The following CPVL variants were observed in gnomAD, a reference collection of about 807,000 sequenced individuals.
CPVL encodes the protein probable serine carboxypeptidase CPVL.
Under a neutral mutation model 63.7 loss-of-function variants are expected in CPVL, and 51 were observed. The ratio of observed to expected loss-of-function variants is 0.80; its 90% confidence interval spans 0.64 to 1.01. CPVL has a LOEUF of 1.01. CPVL is among the 50% of genes least tolerant of loss of function. The pLI, the probability that CPVL is intolerant of heterozygous loss-of-function variation, is 0.00. For synonymous variants in CPVL, 195 were observed against 206.0 expected (o/e 0.95, Z 0.46); for missense variants, 530 against 573.1 (o/e 0.92, Z 0.77).
chr7:29,061,405 T>C lies in CPVL; in HGVS notation c.1137+2656A>G, dbSNP rs138105889. 6.6e-3 allele frequency among the ~76,000 whole-genome samples: 1,000 copies of C among 152,194 alleles called. 13 individuals carry two copies. Among genetic ancestry groups the C allele is most frequent in the African/African-American group, 0.023 (956 of 41,500 alleles). On this transcript the variant is annotated intron_variant, in intron 11 of 12. Coordinates refer to ENST00000265394, the MANE Select transcript of CPVL (RefSeq NM_031311.5). ...TCCAGCCTGAGCAACAGAGTGAAAC[T>C]CTGTCTCAAAAAAGAAAAGAAAAGT... is the stretch of plus-strand genomic sequence containing the variant.
At position 28,995,680 on chromosome 7, in the gene CPVL, A is replaced by AAGAT. The variant is rs1034641387; in HGVS notation, c.*88_*91dup. 13 of 773,788 alleles carry AAGAT rather than the reference A, an allele frequency of 1.7e-5. No individual in the cohort carries two copies. The highest frequency in any genetic ancestry group is 2.7e-5 in the Non-Finnish European group (13 of 475,758). The allele number at this position is 773,788 out of a possible 1,614,324, so 47.9% of individuals were successfully genotyped here. On this transcript the variant is annotated 3_prime_UTR_variant, in exon 13 of 13. Coordinates refer to ENST00000265394, the MANE Select transcript of CPVL (RefSeq NM_031311.5). ...ATGAAAAAAATCTTGCAGATATGAA[A>AAGAT]AGATAATTTTTTTATTCCTATGACA...
At chr7:29,058,340 G>C (rs1255368775) in intron 11 of CPVL, among the ~76,000 whole-genome samples, 2 of 152,042 alleles carry the variant, frequency 1.3e-5, no homozygotes. Context: ...GAGTACATAG[G>C]AAAGTGATTA....
chr7:29,101,893 C>A (rs956544469), intron 3 of CPVL, among the ~76,000 whole-genome samples: 3 of 151,914 alleles, frequency 2.0e-5, no homozygotes, highest in Non-Finnish European at 2.9e-5. Flanking sequence ...TCTATATATG[C>A]TTATTCACTT....
intron 1 of CPVL, among the ~76,000 whole-genome samples, chr7:29,187,219 G>T (rs1047554194): frequency 7.9e-5 from 12 of 152,116 alleles, no homozygotes; most frequent in African/African-American, 2.7e-4. Flanking sequence ...GAGAGCTTAA[G>T]TAATCTGTCT....
At chr7:29,096,017 T>C in intron 4 of CPVL, 86 bp downstream of exon 4, 1 of 1,025,034 alleles carries the variant, frequency 9.8e-7, no homozygotes, top group Middle Eastern at 2.0e-4. Flanking sequence ...TCATAGTGGT[T>C]CAGTGTTTAC....
rs76239087 is a variant in CPVL, at chr7:29,030,109, A to G, written c.1320+468T>C. Among the ~76,000 whole-genome samples the G allele has an allele frequency of 9.7e-3, 1,472 of 152,302 alleles. 25 individuals carry two copies. Among genetic ancestry groups the G allele is most frequent in the African/African-American group, 0.034 (1,396 of 41,554 alleles). ...TCCAACACTTGAAGAGGACATTGCAAGAAAGGAAGATGATGAGAGTAACAT... is the reference window on the plus strand; with the variant it reads ...TCCAACACTTGAAGAGGACATTGCAGGAAAGGAAGATGATGAGAGTAACAT... On this transcript the variant is annotated intron_variant, in intron 12 of 12. Coordinates refer to ENST00000265394, the MANE Select transcript of CPVL (RefSeq NM_031311.5).
At chr7:29,061,178 C>T (rs577668438) in intron 11 of CPVL, among the ~76,000 whole-genome samples, 13 of 151,884 alleles carry the variant, frequency 8.6e-5, no homozygotes, top group Admixed American at 3.3e-4. Flanking sequence ...GAGGCCGAGG[C>T]GGGTGGATCA....
chr7:29,032,759 C>T (rs1431427177), intron 11 of CPVL, among the ~76,000 whole-genome samples: 1 of 152,232 alleles, frequency 6.6e-6, no homozygotes, highest in Non-Finnish European at 1.5e-5. Flanking sequence ...GCTTGCATCT[C>T]TCATGTGTCT....
At chr7:29,115,796 T>C (rs1255017020) in intron 2 of CPVL, among the ~76,000 whole-genome samples, 1 of 151,462 alleles carries the variant, frequency 6.6e-6, no homozygotes, top group East Asian at 1.9e-4. Flanking sequence ...AAATATATAA[T>C]AGAAAGGAGC....
At chr7:29,106,807 A>G (rs535722612) in intron 3 of CPVL, among the ~76,000 whole-genome samples, 72 of 152,304 alleles carry the variant, frequency 4.7e-4, no homozygotes, top group African/African-American at 1.4e-3. Context: ...ACAAGACAAG[A>G]AGCTATGTTA....
At chr7:29,022,762 C>G (rs1050386038) in intron 12 of CPVL, among the ~76,000 whole-genome samples, 2 of 152,232 alleles carry the variant, frequency 1.3e-5, no homozygotes, top group African/African-American at 4.8e-5. Flanking sequence ...TGGCCCCACC[C>G]TCACCAGTGC....
In CPVL at chr7:29,123,628, A is replaced by AATATATATATAT. The variant is rs1243750985; in HGVS notation, c.-10-2569_-10-2558dup. The stretch of plus-strand genomic sequence containing the variant: ...AAAAAAAAAAAAAAAAAAAAAAAAA[A>AATATATATATAT]ATATATATATATATATATATATATA... On this transcript the variant is annotated intron_variant, in intron 1 of 12. Transcript: ENST00000265394. Among the ~76,000 whole-genome samples, 53 of 41,764 alleles carry AATATATATATAT rather than the reference A, an allele frequency of 1.3e-3. 1 individual carries two copies. The highest frequency in any genetic ancestry group is 4.4e-3 in the African/African-American group (39 of 8,880). 27.4% of individuals were successfully genotyped at this position (41,764 alleles called of 152,430 possible).
intron 11 of CPVL, among the ~76,000 whole-genome samples, chr7:29,046,674 A>G (rs528240253): frequency 6.6e-6 from 1 of 152,186 alleles, no homozygotes; most frequent in South Asian, 2.1e-4. Context: ...GACAGAGAAA[A>G]GGGGGTTGAA....
At chr7:29,071,364 T>C (rs1783715546) in intron 9 of CPVL, among the ~76,000 whole-genome samples, 1 of 152,244 alleles carries the variant, frequency 6.6e-6, no homozygotes, top group Admixed American at 6.5e-5. Context: ...TTCTCCCAGC[T>C]GAAACCCTGT....
At chr7:29,146,266 G>T in intron 1 of CPVL, 163 bp downstream of exon 1, 1 of 250,004 alleles carries the variant, frequency 4.0e-6, no homozygotes, top group South Asian at 1.1e-4. Flanking sequence ...ACTTTGACTC[G>T]GCCACGACCA....
intron 3 of CPVL, among the ~76,000 whole-genome samples, chr7:29,101,901 C>T (rs1477071415): frequency 6.6e-6 from 1 of 152,152 alleles, no homozygotes; most frequent in East Asian, 1.9e-4. Context: ...TGCTTATTCA[C>T]TTAACAATAT....
intron 5 of CPVL, among the ~76,000 whole-genome samples, chr7:29,173,883 T>G (rs1206472668): frequency 6.9e-6 from 1 of 145,770 alleles, no homozygotes; most frequent in Non-Finnish European, 1.5e-5. Context: ...ACCTGGGAGG[T>G]GGAGGCTGCA....
chr7:29,085,086 A>G (rs1785079278), intron 7 of CPVL, among the ~76,000 whole-genome samples: 1 of 152,234 alleles, frequency 6.6e-6, no homozygotes, highest in Non-Finnish European at 1.5e-5. Flanking sequence ...CTCTGCCCAC[A>G]GACTGTCTAA....
At chr7:29,099,470 G>C (rs760144783) in intron 3 of CPVL, among the ~76,000 whole-genome samples, 1 of 152,222 alleles carries the variant, frequency 6.6e-6, no homozygotes, top group Non-Finnish European at 1.5e-5. Flanking sequence ...CCAGCACTTT[G>C]GGAGGCCGAG....
Sources: gnomAD v4.1 joint callset for allele counts (sites outside exome capture counted in the v4.1 genomes callset) on GRCh38, gnomAD v4.1.1 for gene constraint, MANE v1.5 for transcripts, NCBI Gene and HGNC (gene_info 2026-07-23, HGNC 2026-07-21) for gene names.